The following STOX2 variants were observed in gnomAD, a reference collection of about 807,000 sequenced individuals.
STOX2 encodes storkhead box 2, also known as storkhead-box protein 2.
Under a neutral mutation model 60.9 loss-of-function variants are expected in STOX2, and 28 were observed. The ratio of observed to expected loss-of-function variants is 0.46; its 90% CI spans 0.34 to 0.63. STOX2 has a LOEUF of 0.63. Among genes scored for constraint, STOX2 ranks in the 30% least tolerant of loss-of-function variants. The probability of loss-of-function intolerance (pLI) is 0.01; values close to 1 mark genes in which losing one functional copy is unlikely to be tolerated. For synonymous variants in STOX2, 472 were observed against 463.9 expected (o/e 1.02, Z -0.22); for missense variants, 1,024 against 1,187.7 (o/e 0.86, Z 2.03).
At chr4:183,989,178 T>G (rs1483214004) in intron 1 of STOX2, among the ~76,000 whole-genome samples, 13 of 50,946 alleles carry the variant, frequency 2.6e-4, no homozygotes, top group African/African-American at 7.6e-4. Flanking sequence ...GGTTTTTTTT[T>G]TTTTTTTTTT....
At chr4:183,887,628 C>T (rs1002236602) in intron 1 of STOX2, among the ~76,000 whole-genome samples, 1 of 152,186 alleles carries the variant, frequency 6.6e-6, no homozygotes, top group African/African-American at 2.4e-5. Flanking sequence ...TCCCATTTTG[C>T]CTTGGAGGGA....
chr4:183,995,307 TTTTTTTTTTTTTTTTTG>T (rs1733287347), intron 1 of STOX2, among the ~76,000 whole-genome samples: 2 of 124,428 alleles, frequency 1.6e-5, no homozygotes, highest in Non-Finnish European at 1.7e-5. Flanking sequence ...TTTTTTTTTT[TTTTTTTTTTTTTTTTTG>T]CACAAATAGA....
intron 1 of STOX2, among the ~76,000 whole-genome samples, chr4:183,916,639 A>G (rs1741938534): frequency 6.6e-6 from 1 of 152,218 alleles, no homozygotes; most frequent in Non-Finnish European, 1.5e-5. Context: ...ACGTAATATT[A>G]AAAGAGCCAG....
chr4:183,838,617 C>A (rs1050540816), intron 1 of STOX2, among the ~76,000 whole-genome samples: 1 of 152,190 alleles, frequency 6.6e-6, no homozygotes, highest in East Asian at 1.9e-4. Flanking sequence ...AGAGTTTTGC[C>A]ACAGCCTCGC....
intron 1 of STOX2, among the ~76,000 whole-genome samples, chr4:183,916,453 C>T (rs1170295501): frequency 3.3e-5 from 5 of 152,176 alleles, no homozygotes; most frequent in East Asian, 1.9e-4. Context: ...TTTCTCAGGA[C>T]CTCGGCTTCC....
At chr4:183,866,821 G>T (rs939402381) in intron 1 of STOX2, among the ~76,000 whole-genome samples, 1 of 152,182 alleles carries the variant, frequency 6.6e-6, no homozygotes, top group African/African-American at 2.4e-5. Context: ...GGAGGCCGCA[G>T]TGAGTGGCAA....
chr4:183,959,355 T>C (rs1743348840), intron 1 of STOX2, among the ~76,000 whole-genome samples: 1 of 152,172 alleles, frequency 6.6e-6, no homozygotes, highest in Non-Finnish European at 1.5e-5. Context: ...AAAAAGGTGA[T>C]ATTCGTGAGG....
At chr4:183,798,078 C>A (rs369321458) in intron 1 of STOX2, 5 of 1,226,020 alleles carry the variant, frequency 4.1e-6, no homozygotes, top group Non-Finnish European at 5.1e-6. Context: ...GCCGCGCGCC[C>A]GTCCCGTCCC....
chr4:183,902,129 T>C (rs928546990), upstream of STOX2, among the ~76,000 whole-genome samples: 2 of 152,320 alleles, frequency 1.3e-5, no homozygotes, highest in African/African-American at 4.8e-5. Flanking sequence ...GGGATATAGC[T>C]CTGAACAAAA....
intron 1 of STOX2, among the ~76,000 whole-genome samples, chr4:183,860,085 A>G (rs936830342): frequency 7.4e-6 from 1 of 134,632 alleles, no homozygotes; most frequent in African/African-American, 2.5e-5. Flanking sequence ...TTAAAATCAT[A>G]TTCTTTTTTT....
chr4:183,919,350 C>T (rs780165918), intron 1 of STOX2, among the ~76,000 whole-genome samples: 3 of 152,154 alleles, frequency 2.0e-5, no homozygotes, highest in South Asian at 2.1e-4. Flanking sequence ...TCCAGGGCAG[C>T]GCGGTGGAGT....
chr4:184,000,340 C>T (rs185986460), intron 1 of STOX2, among the ~76,000 whole-genome samples: 10 of 152,316 alleles, frequency 6.6e-5, no homozygotes, highest in African/African-American at 1.9e-4. Flanking sequence ...ATCACCCCTC[C>T]GATGCAGGGT....
chr4:183,932,010 A>G (rs547506043), intron 1 of STOX2, among the ~76,000 whole-genome samples: 105 of 152,262 alleles, frequency 6.9e-4, no homozygotes, highest in Non-Finnish European at 1.3e-3. Context: ...GGAAGGAGAC[A>G]GCGTGGAGCA....
intron 1 of STOX2, among the ~76,000 whole-genome samples, chr4:183,997,121 G>A (rs773479756): frequency 8.5e-5 from 13 of 152,188 alleles, no homozygotes; most frequent in Non-Finnish European, 1.2e-4. Context: ...TGAACCAAAC[G>A]CACATGCACA....
chr4:183,877,307 C>T (rs1740851656), intron 1 of STOX2, among the ~76,000 whole-genome samples: 1 of 152,204 alleles, frequency 6.6e-6, no homozygotes, highest in African/African-American at 2.4e-5. Context: ...AATGAAGAAT[C>T]TCGGGTCCGC....
At chr4:183,880,106 G>T (rs1243016315) in intron 1 of STOX2, among the ~76,000 whole-genome samples, 1 of 152,114 alleles carries the variant, frequency 6.6e-6, no homozygotes, top group African/African-American at 2.4e-5. Context: ...AGCTTCCCAA[G>T]TAGCTGGGAC....
chr4:184,011,223 T>C lies in STOX2; in HGVS notation c.2385T>C (p.Asn795=). 6.2e-7 allele frequency: 1 copy of C among 1,609,458 alleles called. No homozygotes were observed. Among genetic ancestry groups the C allele is most frequent in the Non-Finnish European group, 8.5e-7 (1 of 1,178,282 alleles). ...GANKNTEEEK[N]REDVGTMQWL... ...ACAAGAACACAGAGGAGGAGAAAAA[T>C]AGAGAGGACGTAGGCACCATGCAGT... Residue 795 remains asparagine (N), a synonymous_variant, in exon 3 of 4, where the codon AAT becomes AAC. Coordinates refer to ENST00000308497, the MANE Select transcript of STOX2 (RefSeq NM_020225.3). The surrounding 1 kb of genome is among the most constrained non-coding windows in gnomAD (Gnocchi z 4.4).
At chr4:183,928,480 CAG>C (rs1742310698) in intron 1 of STOX2, among the ~76,000 whole-genome samples, 1 of 152,160 alleles carries the variant, frequency 6.6e-6, no homozygotes, top group African/African-American at 2.4e-5. Flanking sequence ...AAGAGAATAA[CAG>C]AGGAGAGCCT....
chr4:183,917,871 A>G (rs1270181959), intron 1 of STOX2, among the ~76,000 whole-genome samples: 1 of 152,254 alleles, frequency 6.6e-6, no homozygotes, highest in African/African-American at 2.4e-5. Flanking sequence ...AAATCCTAAC[A>G]ATCTATGTTA....
Sources: allele counts gnomAD v4.1 joint callset (sites outside exome capture counted in the v4.1 genomes callset), GRCh38; gene constraint gnomAD v4.1.1; non-coding constraint Gnocchi (gnomAD v3.1); transcripts MANE v1.5; gene names NCBI Gene and HGNC (gene_info 2026-07-23, HGNC 2026-07-21).